The following ACTN3 variants were observed in gnomAD, a reference collection of about 807,000 sequenced individuals.
ACTN3 encodes the protein actinin alpha 3, also known as alpha-actinin-3.
In ACTN3, 91 loss-of-function variants were observed where a neutral mutation model predicts 119.6. The observed-to-expected ratio is 0.76, with a 90% CI of 0.64 to 0.91. The LOEUF (loss-of-function observed/expected upper bound fraction) is 0.91, where lower values mean the gene tolerates loss of function less well. ACTN3 is among the 40% of genes least tolerant of loss of function. The pLI is 0.00. For missense variants in ACTN3, 1,221 were observed against 1,215.1 expected (o/e 1.00, Z -0.07); for synonymous variants, 456 against 478.8 (o/e 0.95, Z 0.62).
rs377576225 is a variant in ACTN3, at chr11:66,554,528, C to T, written c.470-8C>T. On this transcript the variant is annotated splice_region_variant and splice_polypyrimidine_tract_variant and intron_variant, in intron 4 of 20. Transcript: ENST00000513398. The stretch of plus-strand genomic sequence containing the variant: ...CCCAATGAATCCTCCCACCTCCCCC[C>T]GACCCAGAAACCTCAGCCAAGGAAG... The T allele has an allele frequency of 2.7e-5, 44 of 1,603,986 alleles. No individual in the cohort carries two copies. Among genetic ancestry groups the T allele is most frequent in the Middle Eastern group, 1.6e-4 (1 of 6,072 alleles).
intron 19 of ACTN3, 68 bp downstream of exon 19, chr11:66,562,390 T>C (rs1857802201): frequency 6.6e-6 from 10 of 1,505,016 alleles, no homozygotes; most frequent in Non-Finnish European, 9.2e-6. Flanking sequence ...TCACCTACTG[T>C]GCACCTCCCA....
At chr11:66,559,864 G>T in intron 12 of ACTN3, 104 bp from the exon 13 acceptor site, 3 of 1,144,104 alleles carry the variant, frequency 2.6e-6, no homozygotes, top group Non-Finnish European at 3.8e-6. Flanking sequence ...CCTGGCTCCC[G>T]CACGCCTTCA....
At chr11:66,552,607 G>A (rs989282009) in intron 3 of ACTN3, among the ~76,000 whole-genome samples, 1 of 151,890 alleles carries the variant, frequency 6.6e-6, no homozygotes, top group East Asian at 1.9e-4. Flanking sequence ...CTGTATTCTC[G>A]CACTTTGGGA....
At chr11:66,555,490 C>G in intron 7 of ACTN3, 123 bp downstream of exon 7, 1 of 931,730 alleles carries the variant, frequency 1.1e-6, no homozygotes, top group South Asian at 1.5e-5. Flanking sequence ...ACCCCACTCC[C>G]TGGTCACAGT....
At position 66,555,193 on chromosome 11, in the gene ACTN3, C is replaced by T. The variant is rs557104178; in HGVS notation, c.621C>T (p.Tyr207=). ...IHRHRPDLID[Y]AKLRKDDPIG... ...GACACCGCCCTGACCTCATCGACTA[C>T]GCCAAACTGCGAAAGGTAGAGGCCC... The change falls in exon 6 of 21, where the codon TAC becomes TAT. Residue 207 remains tyrosine (Y), a synonymous_variant. Coordinates refer to ENST00000513398, the MANE Select transcript of ACTN3 (RefSeq NM_001104.4). 23 of 1,614,014 alleles carry T rather than the reference C, an allele frequency of 1.4e-5. No homozygotes were observed. Among genetic ancestry groups the T allele is most frequent in the East Asian group, 8.9e-5 (4 of 44,868 alleles).
At chr11:66,546,596 C>T (rs1857345879), upstream of ACTN3, 1 of 1,535,584 alleles carries the variant, frequency 6.5e-7, no homozygotes, top group Non-Finnish European at 8.7e-7. Context: ...GAGCGGCCCG[C>T]GGCCACTATT....
chr11:66,556,671 A>T (rs543821480), intron 8 of ACTN3, among the ~76,000 whole-genome samples: 3 of 152,184 alleles, frequency 2.0e-5, no homozygotes, highest in Non-Finnish European at 4.4e-5. Flanking sequence ...TCCTGGACTC[A>T]AGTAACTCAC....
chr11:66,555,772 C>A lies in ACTN3; in HGVS notation c.719-373C>A, dbSNP rs117938990. Among the ~76,000 whole-genome samples, 753 of 152,312 alleles carry A rather than the reference C, an allele frequency of 4.9e-3. 5 individuals are homozygous for A. Among genetic ancestry groups the A allele is most frequent in the Middle Eastern group, 0.017 (5 of 294 alleles). On this transcript the variant is annotated intron_variant, in intron 7 of 20. Coordinates refer to ENST00000513398, the MANE Select transcript of ACTN3 (RefSeq NM_001104.4). ...TGATGCCCAGGCTGTGTGGGCACTG[C>A]TGGAGAAGAACTTTTTCTTGCCCTG...
chr11:66,546,457 T>C, upstream of ACTN3: 1 of 1,363,614 alleles, frequency 7.3e-7, no homozygotes, highest in Admixed American at 2.2e-5. Context: ...GGTGTCTCCA[T>C]CACCCCAGAA....
intron 8 of ACTN3, among the ~76,000 whole-genome samples, chr11:66,556,484 C>G (rs927253638): frequency 1.3e-5 from 2 of 152,226 alleles, no homozygotes; most frequent in African/African-American, 2.4e-5. Context: ...GAGTCTCACT[C>G]TGTCATCCAG....
chr11:66,550,618 C>A (rs1027104682), intron 1 of ACTN3, among the ~76,000 whole-genome samples: 1 of 152,174 alleles, frequency 6.6e-6, no homozygotes, highest in Non-Finnish European at 1.5e-5. Context: ...GAGCTTGAGA[C>A]AAGCCTGAGC....
At position 66,558,024 on chromosome 11, in the gene ACTN3, C is replaced by A. The variant is rs1857637559; in HGVS notation, c.1129-3C>A. On this transcript the variant is annotated splice_region_variant and splice_polypyrimidine_tract_variant and intron_variant, in intron 10 of 20. Transcript: ENST00000513398. ...ATGGAGCGCACCCCTGCCTGCTCCACAGGACATCGCCAACGCCTGGCGGGG... is the reference window on the plus strand; with the variant it reads ...ATGGAGCGCACCCCTGCCTGCTCCAAAGGACATCGCCAACGCCTGGCGGGG... 1.2e-6 allele frequency: 2 copies of A among 1,613,852 alleles called. No homozygotes were observed. Among genetic ancestry groups the A allele is most frequent in the East Asian group, 2.2e-5 (1 of 44,886 alleles).
chr11:66,557,635 G>A, intron 9 of ACTN3, 64 bp from the exon 10 acceptor site: 1 of 1,525,002 alleles, frequency 6.6e-7, no homozygotes, highest in South Asian at 1.2e-5. Context: ...TGGGTGGAGA[G>A]GGGTGGGTGA....
chr11:66,546,500 C>T (rs1415054972), upstream of ACTN3: 3 of 1,531,966 alleles, frequency 2.0e-6, no homozygotes, highest in Admixed American at 2.0e-5. Context: ...CTCTGTGTTC[C>T]TGACTGTGAA....
intron 3 of ACTN3, among the ~76,000 whole-genome samples, chr11:66,552,857 C>CTG (rs1238370162): frequency 1.8e-5 from 2 of 108,132 alleles, no homozygotes; most frequent in Non-Finnish European, 3.7e-5. Context: ...CTCTGTCTCT[C>CTG]TCTCTCTCTC....
At chr11:66,558,665 C>T (rs976525712) in intron 11 of ACTN3, among the ~76,000 whole-genome samples, 3 of 152,134 alleles carry the variant, frequency 2.0e-5, no homozygotes, top group Non-Finnish European at 2.9e-5. Flanking sequence ...ACCGCACACC[C>T]GCCTGTTTTC....
Position 66,561,560 on chromosome 11 carries a change from G to A in ACTN3, c.2098G>A (p.Asp700Asn). ...CATTATCAACTACAAGACTAACATTGACCGGCTGGAGGGTGACCACCAGCT... is the reference window on the plus strand; with the variant it reads ...CATTATCAACTACAAGACTAACATTAACCGGCTGGAGGGTGACCACCAGCT... ...QNIINYKTNI[D>N]RLEGDHQLLQ... Residue 700 changes from aspartate to asparagine, a missense_variant, in exon 17 of 21, where the codon GAC becomes AAC. Asp to Asn is a conservative substitution (Grantham distance 23). Coordinates refer to ENST00000513398, the MANE Select transcript of ACTN3 (RefSeq NM_001104.4). The A allele has an allele frequency of 6.2e-7, 1 of 1,612,646 alleles. No homozygotes were observed. Among genetic ancestry groups the A allele is most frequent in the Non-Finnish European group, 8.5e-7 (1 of 1,179,408 alleles).
At chr11:66,552,081 GA>G (rs545305342) in intron 3 of ACTN3, among the ~76,000 whole-genome samples, 378 of 130,672 alleles carry the variant, frequency 2.9e-3, no homozygotes, top group African/African-American at 8.0e-3. Context: ...CTGTCTGAAA[GA>G]AAAAAAAAAA....
In ACTN3 at chr11:66,551,577, C is replaced by T. The variant is rs1857471667; in HGVS notation, c.312C>T (p.Ile104=). The T allele has an allele frequency of 3.1e-6, 5 of 1,613,994 alleles. No individual in the cohort carries two copies. Among genetic ancestry groups the T allele is most frequent in the African/African-American group, 2.7e-5 (2 of 74,938 alleles). Residue 104 remains isoleucine (I), a synonymous_variant, in exon 3 of 21, where the codon ATC becomes ATT. Transcript: ENST00000513398. Reference sequence around the variant, plus strand: ...AAGGCAAGATGCGCTTCCACAAAATCGCCAACGTTAACAAGGCCCTGGACT... The same window carrying T: ...AAGGCAAGATGCGCTTCCACAAAATTGCCAACGTTAACAAGGCCCTGGACT... ...PDKGKMRFHK[I]ANVNKALDFI...
Sources: allele counts gnomAD v4.1 joint callset (sites outside exome capture counted in the v4.1 genomes callset), GRCh38; gene constraint gnomAD v4.1.1; transcripts MANE v1.5; gene names NCBI Gene and HGNC (gene_info 2026-07-23, HGNC 2026-07-21).